Variants in BAZ2B observed in about 807,000 individuals in gnomAD.
The protein encoded by BAZ2B is bromodomain adjacent to zinc finger domain protein 2B.
In BAZ2B, 91 loss-of-function variants were observed where a neutral mutation model predicts 246.0. The ratio of observed to expected loss-of-function variants is 0.37; its 90% confidence interval spans 0.31 to 0.44. BAZ2B has a LOEUF of 0.44. Ranked by LOEUF, BAZ2B falls within the 20% of genes least tolerant of loss-of-function variation. The pLI is 1.00. For synonymous variants in BAZ2B, 855 were observed against 860.0 expected, an observed-to-expected ratio of 0.99 and a Z score of 0.10; for missense variants, 2,332 against 2,533.7, an observed-to-expected ratio of 0.92 and a Z score of 1.71.
chr2:159,403,637 A>G (rs1308987103), intron 16 of BAZ2B, among the ~76,000 whole-genome samples: 1 of 152,212 alleles, frequency 6.6e-6, no homozygotes, highest in Non-Finnish European at 1.5e-5. Context: ...TACAATGTCT[A>G]GCAGTCACAA....
the BAZ2B span, among the ~76,000 whole-genome samples, chr2:159,666,089 G>T: frequency 3.3e-5 from 5 of 151,988 alleles, no homozygotes; most frequent in Admixed American, 6.6e-5. Flanking sequence ...AGTTGTAAAA[G>T]TTCTGTTAAT....
intron 13 of BAZ2B, among the ~76,000 whole-genome samples, chr2:159,425,447 C>T (rs949625057): frequency 6.6e-5 from 10 of 152,166 alleles, no homozygotes; most frequent in African/African-American, 1.7e-4. Context: ...TCCCAAAGTG[C>T]TGGGGTTACA....
chr2:159,545,380 A>T (rs760834296), intron 2 of BAZ2B, among the ~76,000 whole-genome samples: 1 of 152,238 alleles, frequency 6.6e-6, no homozygotes, highest in Non-Finnish European at 1.5e-5. Flanking sequence ...CTCAGCTAAG[A>T]AAAAGACAAA....
chr2:159,508,649 T>C (rs1165941042), intron 2 of BAZ2B, among the ~76,000 whole-genome samples: 1 of 152,170 alleles, frequency 6.6e-6, no homozygotes, highest in Non-Finnish European at 1.5e-5. Context: ...TGTCAGTTTC[T>C]TCAAAATTGC....
the BAZ2B span, chr2:159,693,129 T>A: frequency 6.6e-6 from 1 of 152,178 alleles, no homozygotes; most frequent in Non-Finnish European, 1.5e-5. Flanking sequence ...AATTTGTTTG[T>A]TAATATTTTA....
chr2:159,426,911 A>G (rs2070031697), intron 13 of BAZ2B, among the ~76,000 whole-genome samples: 1 of 152,152 alleles, frequency 6.6e-6, no homozygotes, highest in African/African-American at 2.4e-5. Flanking sequence ...TTAATTGCCA[A>G]AAAACTTTTC....
At chr2:159,656,222 A>G in the BAZ2B span, among the ~76,000 whole-genome samples, 1 of 152,194 alleles carries the variant, frequency 6.6e-6, no homozygotes, top group Non-Finnish European at 1.5e-5. Flanking sequence ...TTACAAAAAA[A>G]TAAGTTGCAA....
Position 159,483,514 on chromosome 2 carries a change from C to T in BAZ2B, c.-2-4793G>A, listed in dbSNP as rs557037028. 2.4e-4 allele frequency among the ~76,000 whole-genome samples: 36 copies of T among 152,270 alleles called. No individual in the cohort carries two copies. The South Asian group carries it at 5.6e-3, about 24-fold the overall frequency. On this transcript the variant is annotated intron_variant, in intron 2 of 36. Transcript: ENST00000392783. ...TAACTAGGCTTGGCGCGGTGGCTCA[C>T]GCCTGTAATTCCAGAGCTTTGGGAG...
At chr2:159,673,763 T>G in the BAZ2B span, among the ~76,000 whole-genome samples, 1 of 151,932 alleles carries the variant, frequency 6.6e-6, no homozygotes, top group Non-Finnish European at 1.5e-5. Context: ...TATAAAAAAG[T>G]ACATAGAGTA....
intron 2 of BAZ2B, among the ~76,000 whole-genome samples, chr2:159,538,625 G>T (rs1191052023): frequency 6.6e-6 from 1 of 152,174 alleles, no homozygotes; most frequent in Non-Finnish European, 1.5e-5. Flanking sequence ...TATACCTAGG[G>T]TTTTGAATTG....
At chr2:159,675,772 C>T in the BAZ2B span, among the ~76,000 whole-genome samples, 1 of 152,084 alleles carries the variant, frequency 6.6e-6, no homozygotes, top group Non-Finnish European at 1.5e-5. Context: ...GATCGGGTCT[C>T]ACTGTCACCC....
chr2:159,456,462 T>C (rs939564613), intron 3 of BAZ2B, among the ~76,000 whole-genome samples: 1 of 152,046 alleles, frequency 6.6e-6, no homozygotes, highest in Non-Finnish European at 1.5e-5. Flanking sequence ...GTGGCAACAA[T>C]GAAGAACCAA....
At chr2:159,524,237 C>G (rs1458274354) in intron 2 of BAZ2B, among the ~76,000 whole-genome samples, 1 of 151,728 alleles carries the variant, frequency 6.6e-6, no homozygotes, top group Non-Finnish European at 1.5e-5. Flanking sequence ...CTGGGCAACA[C>G]AGCAAGACCC....
intron 2 of BAZ2B, among the ~76,000 whole-genome samples, chr2:159,518,018 A>G (rs985855011): frequency 3.9e-5 from 6 of 152,232 alleles, no homozygotes; most frequent in Admixed American, 6.5e-5. Context: ...TCCTTTATAG[A>G]AAATTTGAGA....
chr2:159,501,241 TAA>T (rs1204633284), intron 2 of BAZ2B, among the ~76,000 whole-genome samples: 4 of 94,290 alleles, frequency 4.2e-5, no homozygotes, highest in Admixed American at 2.3e-4. Flanking sequence ...TATATATATA[TAA>T]AGTAGCTGAG....
intron 1 of BAZ2B, among the ~76,000 whole-genome samples, chr2:159,584,254 T>A (rs1387875773): frequency 1.3e-5 from 2 of 152,032 alleles, no homozygotes; most frequent in Non-Finnish European, 2.9e-5. Flanking sequence ...CCCGAGTAGC[T>A]GGGACTACAA....
chr2:159,325,188 T>G (rs1189820410), intron 35 of BAZ2B, among the ~76,000 whole-genome samples: 1 of 133,530 alleles, frequency 7.5e-6, no homozygotes, highest in Non-Finnish European at 1.6e-5. Flanking sequence ...TGGAGCACAG[T>G]GGCACCATCT....
chr2:159,405,802 T>C (rs1452523000), intron 14 of BAZ2B, among the ~76,000 whole-genome samples: 1 of 151,972 alleles, frequency 6.6e-6, no homozygotes, highest in Non-Finnish European at 1.5e-5. Context: ...GTAGCTTCAG[T>C]CTTAACATAT....
intron 2 of BAZ2B, among the ~76,000 whole-genome samples, chr2:159,481,153 TTA>T (rs2079182778): frequency 6.6e-6 from 1 of 152,070 alleles, no homozygotes; most frequent in Non-Finnish European, 1.5e-5. Flanking sequence ...TTTACAAGGT[TTA>T]GTTTTAAGTC....
Sources: gnomAD v4.1 joint callset for allele counts (sites outside exome capture counted in the v4.1 genomes callset) on GRCh38, gnomAD v4.1.1 for gene constraint, MANE v1.5 for transcripts, NCBI Gene and HGNC (gene_info 2026-07-23, HGNC 2026-07-21) for gene names.